The following MAP1B variants were observed in gnomAD, a reference collection of about 807,000 sequenced individuals.
MAP1B encodes microtubule-associated protein 1B.
In MAP1B, 12 loss-of-function variants were observed where a neutral mutation model predicts 176.1. The observed-to-expected ratio is 0.07, with a 90% CI of 0.04 to 0.11. The LOEUF (loss-of-function observed/expected upper bound fraction) is 0.11, where lower values mean the gene tolerates loss of function less well. Ranked by LOEUF, MAP1B falls within the 10% of genes least tolerant of loss-of-function variation. MAP1B has a pLI of 1.00. For synonymous variants in MAP1B, 1,044 were observed against 1,135.0 expected (o/e 0.92, Z 1.61); for missense variants, 2,523 against 2,990.5 (o/e 0.84, Z 3.65).
intron 1 of MAP1B, among the ~76,000 whole-genome samples, chr5:72,108,292 C>A (rs1214361282): frequency 2.0e-5 from 3 of 152,154 alleles, no homozygotes; most frequent in Non-Finnish European, 2.9e-5. Flanking sequence ...CTCCCCCCGC[C>A]CCCCCCTCCC....
At chr5:72,156,971 T>C (rs1186792489) in intron 2 of MAP1B, among the ~76,000 whole-genome samples, 1 of 152,222 alleles carries the variant, frequency 6.6e-6, no homozygotes, top group Non-Finnish European at 1.5e-5. Context: ...AGTAGCATCA[T>C]TACGGGCTGG....
intron 2 of MAP1B, among the ~76,000 whole-genome samples, chr5:72,121,074 G>C (rs1745520124): frequency 1.3e-5 from 2 of 152,196 alleles, no homozygotes; most frequent in Non-Finnish European, 1.5e-5. Context: ...AGCCGGCAAT[G>C]CTTTAAAGTG....
rs141919932 is a variant in MAP1B at position 72,191,763 on chromosome 5, C to T, written c.511-2103C>T. Among the ~76,000 whole-genome samples, 69 of 152,338 alleles carry T rather than the reference C, an allele frequency of 4.5e-4. 1 individual carries two copies. Among genetic ancestry groups the T allele is most frequent in the East Asian group, 1.7e-3 (9 of 5,192 alleles). On this transcript the variant is annotated intron_variant, in intron 4 of 6. Coordinates refer to ENST00000296755, the MANE Select transcript of MAP1B (RefSeq NM_005909.5). ...CTTTTCTGCTTTGCCTTGTACATCACGGTTGTTCATTCACCAGTGTCTCTT... is the reference window on the plus strand; with the variant it reads ...CTTTTCTGCTTTGCCTTGTACATCATGGTTGTTCATTCACCAGTGTCTCTT...
chr5:72,186,106 A>G lies in MAP1B; in HGVS notation c.370-508A>G, dbSNP rs1746891118. On this transcript the variant is annotated intron_variant, in intron 3 of 6. Coordinates refer to ENST00000296755, the MANE Select transcript of MAP1B (RefSeq NM_005909.5). The surrounding 1 kb of genome is among the most constrained non-coding windows in gnomAD (Gnocchi z 4.3). ...TGTGTGTGCTTGCTGCACGCCTTGG[A>G]AGGGCATATGGGAGGGGTTGGTTTG... Among the ~76,000 whole-genome samples the G allele has an allele frequency of 6.6e-6, 1 of 152,098 alleles. No homozygotes were observed. The highest frequency in any genetic ancestry group is 1.5e-5 in the Non-Finnish European group (1 of 68,018).
At chr5:72,117,810 G>A (rs1008474352) in intron 2 of MAP1B, among the ~76,000 whole-genome samples, 10 of 152,186 alleles carry the variant, frequency 6.6e-5, no homozygotes, top group African/African-American at 2.4e-4. Context: ...CGCTTTACAG[G>A]CCAAGGCTCC....
intron 5 of MAP1B, among the ~76,000 whole-genome samples, chr5:72,203,227 A>G (rs1580032781): frequency 1.3e-5 from 2 of 152,326 alleles, no homozygotes; most frequent in East Asian, 3.9e-4. Context: ...CACATTAACA[A>G]CTTCTTTAGG....
chr5:72,195,633 C>A lies in MAP1B; in HGVS notation c.2278C>A (p.Pro760Thr). 3.1e-6 allele frequency: 5 copies of A among 1,614,170 alleles called. No homozygotes were observed. The highest frequency in any genetic ancestry group is 4.2e-6 in the Non-Finnish European group (5 of 1,180,038). ...KKPAALKPKV[P>T]KKEESVKKDS... ...ACCAGCTGCTTTAAAACCAAAAGTA[C>A]CCAAGAAGGAAGAGTCTGTCAAGAA... The change falls in exon 5 of 7, where the codon CCC becomes ACC. Residue 760 changes from proline (P) to threonine (T), a missense_variant. By Grantham distance (38) the Pro-to-Thr change is conservative. Coordinates refer to ENST00000296755, the MANE Select transcript of MAP1B (RefSeq NM_005909.5).
intron 1 of MAP1B, among the ~76,000 whole-genome samples, chr5:72,115,001 A>G (rs1311924722): frequency 6.6e-6 from 1 of 152,226 alleles, no homozygotes; most frequent in Non-Finnish European, 1.5e-5. Flanking sequence ...AATTGAATAC[A>G]ATGAACAATT....
At position 72,199,124 on chromosome 5, in the gene MAP1B, T is replaced by C; in HGVS notation, c.5769T>C (p.Tyr1923=). 6.2e-7 allele frequency: 1 copy of C among 1,614,142 alleles called. No individual in the cohort carries two copies. The highest frequency in any genetic ancestry group is 8.5e-7 in the Non-Finnish European group (1 of 1,180,022). ...TKSPSDSGYS[Y]ETIGKTTKTP... is the part of the protein sequence containing the mutation. ...CTCCAAGTGACAGTGGCTACTCCTA[T>C]GAGACCATTGGGAAAACTACCAAGA... The change falls in exon 5 of 7, where the codon TAT becomes TAC. Residue 1923 remains tyrosine (Y), a synonymous_variant. Transcript: ENST00000296755. This position sits in a 1 kb window ranked among gnomAD's most constrained non-coding sequence, Gnocchi z 4.2.
At chr5:72,154,742 A>T (rs1183481733) in intron 2 of MAP1B, among the ~76,000 whole-genome samples, 1 of 152,218 alleles carries the variant, frequency 6.6e-6, no homozygotes, top group African/African-American at 2.4e-5. Flanking sequence ...CTTTCCCCAG[A>T]TCTGCTAGTT....
rs544834189 is a variant in MAP1B at position 72,186,824 on chromosome 5, T to TG, written c.510+75dup. On this transcript the variant is annotated intron_variant, in intron 4 of 6. Coordinates refer to ENST00000296755, the MANE Select transcript of MAP1B (RefSeq NM_005909.5). The surrounding 1 kb of genome is among the most constrained non-coding windows in gnomAD (Gnocchi z 4.3). ...GCCTTAGGTTCCTCTTTGAGAGCAC[T>TG]GGGGGAGACAAAAGAAGAAGGGAGG... is the stretch of plus-strand genomic sequence containing the variant. The TG allele has an allele frequency of 2.6e-3, 4,138 of 1,562,998 alleles. 14 individuals carry two copies. The highest frequency in any genetic ancestry group is 3.2e-3 in the Non-Finnish European group (3,643 of 1,142,964).
At position 72,208,999 on chromosome 5, in the gene MAP1B, T is replaced by C. The variant is rs1747512977; in HGVS notation, c.*3760T>C. 1 of 152,132 alleles carries C rather than the reference T, an allele frequency of 6.6e-6. No individual in the cohort carries two copies. The highest frequency in any genetic ancestry group is 1.5e-5 in the Non-Finnish European group (1 of 68,032). 9.4% of individuals were successfully genotyped at this position (152,132 alleles called of 1,614,324 possible). On this transcript the variant is annotated 3_prime_UTR_variant, in exon 7 of 7. Coordinates refer to ENST00000296755, the MANE Select transcript of MAP1B (RefSeq NM_005909.5). The stretch of plus-strand genomic sequence containing the variant: ...ACTGAACAATACACCAAAAGCAGCC[T>C]AGGGATGAGCATTTCTTTGAAAGCA...
In MAP1B at chr5:72,203,685, A is replaced by G. The variant is rs758854078; in HGVS notation, c.7135A>G (p.Arg2379Gly). 13 of 1,614,006 alleles carry G rather than the reference A, an allele frequency of 8.1e-6. No homozygotes were observed. Among genetic ancestry groups the G allele is most frequent in the African/African-American group, 2.7e-5 (2 of 74,916 alleles). ...GAATGTTGATGTGGAATTTTTCAAG[A>G]GAGTGCGGTCTTCCTACTACGTGGT... ...SKNVDVEFFKRVRSSYYVVSG... is the reference protein window; with the variant it reads ...SKNVDVEFFKGVRSSYYVVSG... Residue 2379 changes from arginine to glycine, a missense_variant, in exon 6 of 7, where the codon AGA (arginine) becomes GGA (glycine). Arg to Gly is a moderately radical substitution (Grantham distance 125). Transcript: ENST00000296755.
Position 72,205,239 on chromosome 5 carries a change from A to C in MAP1B, c.7407A>C (p.Ter2469TyrextTer20). Reference protein sequence around the residue: ...ESFPACKIEL* With the variant: ...ESFPACKIELY ...TCCCTGCATGCAAGATTGAACTGTAAAAACCAAGGCCAGCCACACCACAGG... is the reference window on the plus strand; with the variant it reads ...TCCCTGCATGCAAGATTGAACTGTACAAACCAAGGCCAGCCACACCACAGG... Residue 2469 changes from the stop codon to tyrosine, a stop_lost, in exon 7 of 7, where the codon TAA becomes TAC. Coordinates refer to ENST00000296755, the MANE Select transcript of MAP1B (RefSeq NM_005909.5). 6.2e-7 allele frequency: 1 copy of C among 1,609,988 alleles called. No individual in the cohort carries two copies. Among genetic ancestry groups the C allele is most frequent in the Non-Finnish European group, 8.5e-7 (1 of 1,178,726 alleles).
At chr5:72,163,737 G>C (rs1426925210) in intron 2 of MAP1B, among the ~76,000 whole-genome samples, 1 of 152,030 alleles carries the variant, frequency 6.6e-6, no homozygotes, top group African/African-American at 2.4e-5. Flanking sequence ...CATTACTCCT[G>C]GCTCTGCCAT....
chr5:72,202,076 A>C (rs1009015641), intron 5 of MAP1B, among the ~76,000 whole-genome samples: 1 of 152,228 alleles, frequency 6.6e-6, no homozygotes, highest in Admixed American at 6.5e-5. Flanking sequence ...CAAAGTAATA[A>C]GTGAAAATGA....
intron 2 of MAP1B, among the ~76,000 whole-genome samples, chr5:72,140,242 C>G (rs1187919365): frequency 1.3e-5 from 2 of 152,186 alleles, no homozygotes; most frequent in African/African-American, 4.8e-5. Flanking sequence ...GGATTATAGG[C>G]AAGAGCCACA....
Position 72,199,800 on chromosome 5 carries a change from T to C in MAP1B, c.6445T>C (p.Ser2149Pro). ...ACAGTGTGATGAAACCCCTCCCACCTCAGTCAGCGAGTCAGCCCCATCCCA... is the reference window on the plus strand; with the variant it reads ...ACAGTGTGATGAAACCCCTCCCACCCCAGTCAGCGAGTCAGCCCCATCCCA... ...GRQCDETPPTSVSESAPSQTD... is the reference protein window; with the variant it reads ...GRQCDETPPTPVSESAPSQTD... The change falls in exon 5 of 7, where the codon TCA becomes CCA. Residue 2149 changes from serine to proline, a missense_variant. Ser to Pro is a moderately conservative substitution (Grantham distance 74). This residue lies in a region of MAP1B where 287 missense variants were observed against 401.5 expected (regional missense o/e 0.71). Transcript: ENST00000296755. The surrounding 1 kb of genome is among the most constrained non-coding windows in gnomAD (Gnocchi z 4.2). 6.2e-7 allele frequency: 1 copy of C among 1,614,038 alleles called. No individual in the cohort carries two copies. Among genetic ancestry groups the C allele is most frequent in the Non-Finnish European group, 8.5e-7 (1 of 1,179,998 alleles).
intron 2 of MAP1B, among the ~76,000 whole-genome samples, chr5:72,149,610 C>T (rs1746106334): frequency 6.6e-6 from 1 of 152,232 alleles, no homozygotes; most frequent in Non-Finnish European, 1.5e-5. Context: ...CTCCAGGACA[C>T]CCTCTGGACA....
Sources: allele counts gnomAD v4.1 joint callset (sites outside exome capture counted in the v4.1 genomes callset), GRCh38; gene constraint gnomAD v4.1.1; regional missense constraint gnomAD v4.1.1; non-coding constraint Gnocchi (gnomAD v3.1); transcripts MANE v1.5; gene names NCBI Gene and HGNC (gene_info 2026-07-23, HGNC 2026-07-21).